ELMO1: variants seen among roughly 807,000 people sequenced by gnomAD.
ELMO1 encodes the protein engulfment and cell motility protein 1.
A neutral mutation model predicts 98.9 loss-of-function variants in ELMO1; 26 were observed. The observed-to-expected ratio is 0.26, with a 90% confidence interval of 0.19 to 0.36. The LOEUF (loss-of-function observed/expected upper bound fraction) is 0.36, where lower values mean the gene tolerates loss of function less well. Among genes scored for constraint, ELMO1 ranks in the 10% least tolerant of loss-of-function variants. The pLI is 1.00. For synonymous variants in ELMO1, 346 were observed against 346.0 expected, an observed-to-expected ratio of 1.00 and a Z score of 0.00; for missense variants, 627 against 935.2, an observed-to-expected ratio of 0.67 and a Z score of 4.30.
At chr7:37,240,263 T>G (rs948081099) in intron 7 of ELMO1, among the ~76,000 whole-genome samples, 3 of 152,042 alleles carry the variant, frequency 2.0e-5, no homozygotes, top group Non-Finnish European at 4.4e-5. Context: ...GGTCTTGAAC[T>G]GCTGGGCTCA....
At chr7:37,064,372 C>A (rs1037904464) in intron 15 of ELMO1, among the ~76,000 whole-genome samples, 1 of 152,148 alleles carries the variant, frequency 6.6e-6, no homozygotes, top group Non-Finnish European at 1.5e-5. Context: ...ATATCCTCTG[C>A]GATGCAGTAG....
At chr7:37,092,654 C>A (rs199751199) in intron 15 of ELMO1, among the ~76,000 whole-genome samples, 1 of 152,070 alleles carries the variant, frequency 6.6e-6, no homozygotes, top group Non-Finnish European at 1.5e-5. Flanking sequence ...GGATTACAGG[C>A]GTGAGCCAAC....
At chr7:37,267,678 T>C (rs560590288) in intron 5 of ELMO1, among the ~76,000 whole-genome samples, 1 of 152,352 alleles carries the variant, frequency 6.6e-6, no homozygotes, top group Admixed American at 6.5e-5. Context: ...TAGATTTTCA[T>C]CTCTAAGAGA....
At chr7:37,079,658 G>A (rs1401323416) in intron 15 of ELMO1, among the ~76,000 whole-genome samples, 3 of 152,084 alleles carry the variant, frequency 2.0e-5, no homozygotes, top group Non-Finnish European at 4.4e-5. Flanking sequence ...TCAATGGTCA[G>A]TTCTCAGTCC....
At chr7:37,008,460 T>C (rs1288637317) in intron 16 of ELMO1, among the ~76,000 whole-genome samples, 4 of 152,180 alleles carry the variant, frequency 2.6e-5, no homozygotes, top group African/African-American at 9.7e-5. Flanking sequence ...GTTCAGAATT[T>C]ACTGTGAAAT....
chr7:36,882,004 G>C (rs1386614398), intron 18 of ELMO1, among the ~76,000 whole-genome samples: 1 of 152,190 alleles, frequency 6.6e-6, no homozygotes, highest in East Asian at 1.9e-4. Context: ...GTCTCCAGGA[G>C]AGCCCAGCAA....
intron 1 of ELMO1, chr7:37,393,857 G>A (rs141895008): frequency 6.6e-6 from 1 of 152,168 alleles, no homozygotes; most frequent in East Asian, 1.9e-4. Flanking sequence ...AAGGGCCTTG[G>A]GCATATCTTG....
chr7:37,111,004 C>T (rs1785222657), intron 14 of ELMO1, among the ~76,000 whole-genome samples: 1 of 152,246 alleles, frequency 6.6e-6, no homozygotes, highest in Non-Finnish European at 1.5e-5. Flanking sequence ...CTCTCAGTTA[C>T]TTCATTCTCC....
At chr7:37,100,576 T>C (rs1042320346) in intron 14 of ELMO1, among the ~76,000 whole-genome samples, 1 of 152,266 alleles carries the variant, frequency 6.6e-6, no homozygotes, top group Non-Finnish European at 1.5e-5. Flanking sequence ...CCACTCTCTG[T>C]TGAAGCTCTC....
chr7:36,937,644 T>G (rs1786662034), intron 16 of ELMO1, among the ~76,000 whole-genome samples: 2 of 152,242 alleles, frequency 1.3e-5, no homozygotes, highest in African/African-American at 4.8e-5. Flanking sequence ...TTAAAATCCC[T>G]TGTCTCTTTA....
intron 16 of ELMO1, among the ~76,000 whole-genome samples, chr7:36,978,950 A>G (rs371588351): frequency 1.3e-5 from 2 of 152,352 alleles, no homozygotes; most frequent in African/African-American, 4.8e-5. Context: ...AAACATTTCT[A>G]TGTACCAGGT....
intron 2 of ELMO1, among the ~76,000 whole-genome samples, chr7:37,317,796 T>G (rs747675448): frequency 1.3e-5 from 2 of 152,200 alleles, no homozygotes; most frequent in Non-Finnish European, 2.9e-5. Context: ...ATAATTTAAT[T>G]GCACATTTTA....
At chr7:36,899,700 T>TTA (rs60221089) in intron 16 of ELMO1, among the ~76,000 whole-genome samples, 3 of 143,542 alleles carry the variant, frequency 2.1e-5, no homozygotes, top group South Asian at 2.2e-4. Context: ...TTTTTTTTTT[T>TTA]ACCACTCCTA....
intron 20 of ELMO1, among the ~76,000 whole-genome samples, chr7:36,865,234 G>A (rs1802946006): frequency 6.6e-6 from 1 of 152,224 alleles, no homozygotes; most frequent in South Asian, 2.1e-4. Flanking sequence ...ATCTATCCAG[G>A]TCATCATGAG....
At chr7:36,911,601 C>T (rs1162502750) in intron 16 of ELMO1, among the ~76,000 whole-genome samples, 2 of 152,132 alleles carry the variant, frequency 1.3e-5, no homozygotes, top group African/African-American at 4.8e-5. Flanking sequence ...ACTCAAAGCA[C>T]AGAGAAATGA....
intron 4 of ELMO1, among the ~76,000 whole-genome samples, chr7:37,298,601 A>G (rs1798188311): frequency 1.4e-5 from 2 of 144,884 alleles, no homozygotes; most frequent in Non-Finnish European, 3.0e-5. Flanking sequence ...ATGATTTCCA[A>G]TTTCATCCAT....
chr7:37,247,005 C>T (rs1383970763), intron 6 of ELMO1, among the ~76,000 whole-genome samples: 1 of 152,002 alleles, frequency 6.6e-6, no homozygotes, highest in Admixed American at 6.6e-5. Flanking sequence ...TAAATTTGTG[C>T]TCTTTTGACT....
intron 13 of ELMO1, among the ~76,000 whole-genome samples, chr7:37,195,913 G>A (rs1475424476): frequency 6.6e-6 from 1 of 152,218 alleles, no homozygotes; most frequent in Non-Finnish European, 1.5e-5. Flanking sequence ...ATATATTAAA[G>A]GGCTGGGGGG....
chr7:37,196,877 C>T (rs1002387401), intron 13 of ELMO1, among the ~76,000 whole-genome samples: 1 of 152,144 alleles, frequency 6.6e-6, no homozygotes, highest in Non-Finnish European at 1.5e-5. Flanking sequence ...CATATGGGAA[C>T]TTTCTGGCTC....
Sources: gnomAD v4.1 joint callset for allele counts (sites outside exome capture counted in the v4.1 genomes callset) on GRCh38, gnomAD v4.1.1 for gene constraint, MANE v1.5 for transcripts, NCBI Gene and HGNC (gene_info 2026-07-23, HGNC 2026-07-21) for gene names.